The following HSPG2 variants were observed in gnomAD, a reference collection of about 807,000 sequenced individuals.
The protein encoded by HSPG2 is basement membrane-specific heparan sulfate proteoglycan core protein.
Under a neutral mutation model 526.6 loss-of-function variants are expected in HSPG2, and 278 were observed. The observed-to-expected ratio is 0.53, with a 90% CI of 0.48 to 0.58. The LOEUF is 0.58. Ranked by LOEUF, HSPG2 falls within the 20% of genes least tolerant of loss-of-function variation. HSPG2 has a pLI of 0.00. For synonymous variants in HSPG2, 2,465 were observed against 2,555.4 expected (o/e 0.96, Z 1.07); for missense variants, 5,354 against 6,099.5 (o/e 0.88, Z 4.07).
At position 21,880,459 on chromosome 1, in the gene HSPG2, GTGT is replaced by G; in HGVS notation, c.2096_2098del (p.Asn699del). ...GCTAAGTCCCACGCTGGCCATCTTG[GTGT>G]TGTACACGGTCTGGATGAGCACGGC... On this transcript the variant is annotated inframe_deletion, in exon 16 of 97. Transcript: ENST00000374695. 1 of 1,613,988 alleles carries G rather than the reference GTGT, an allele frequency of 6.2e-7. No homozygotes were observed. The highest frequency in any genetic ancestry group is 8.5e-7 in the Non-Finnish European group (1 of 1,179,986).
chr1:21,851,634 G>C lies in HSPG2; in HGVS notation c.7070C>G (p.Thr2357Ser). 6.2e-7 allele frequency: 1 copy of C among 1,614,010 alleles called. No individual in the cohort carries two copies. The highest frequency in any genetic ancestry group is 8.5e-7 in the Non-Finnish European group (1 of 1,180,038). ...GGGCACCACGCAGTTCAGATCCAGG[G>C]TCTGCCCTTCCGCCACTTGCGAGGA... ...PSSSQVAEGQTLDLNCVVPGQ... is the reference protein window; with the variant it reads ...PSSSQVAEGQSLDLNCVVPGQ... Residue 2357 changes from threonine (T) to serine (S), a missense_variant, in exon 55 of 97, where the codon ACC becomes AGC. Transcript: ENST00000374695.
In HSPG2 at chr1:21,842,901, T is replaced by C. The variant is rs2152707061; in HGVS notation, c.8779A>G (p.Ile2927Val). ...PIPAPGLAQP[I>V]YIEASSSHVT... ...TGTGAAGAGGAGGCCTCGATGTAGA[T>C]GGGCTGGGCCAGTCCTGGAGCTGTG... Residue 2927 changes from isoleucine (I) to valine (V), a missense_variant, in exon 67 of 97, where the codon ATC (isoleucine) becomes GTC (valine). Transcript: ENST00000374695. 4 of 1,614,058 alleles carry C rather than the reference T, an allele frequency of 2.5e-6. No individual in the cohort carries two copies. In the East Asian group the frequency reaches 8.9e-5, roughly 36 times the overall value.
At position 21,851,859 on chromosome 1, in the gene HSPG2, G is replaced by C. The variant is rs1443439882; in HGVS notation, c.6938C>G (p.Ala2313Gly). The C allele has an allele frequency of 6.2e-7, 1 of 1,613,160 alleles. No homozygotes were observed. Among genetic ancestry groups the C allele is most frequent in the African/African-American group, 1.3e-5 (1 of 74,932 alleles). Residue 2313 changes from alanine to glycine, a missense_variant, in exon 54 of 97, where the codon GCC (alanine) becomes GGC (glycine). By Grantham distance (60) the Ala-to-Gly change is moderately conservative (BLOSUM62 0). Transcript: ENST00000374695. ...PADAGQYVCR[A>G]SNGMEASITV... ...GATGGAGGCCTCCATGCCGTTGCTG[G>C]CCCGGCAGACGTACTGTCCCGCATC...
intron 50 of HSPG2, chr1:21,853,752 AAAATAAAAT>A (rs2152722586): frequency 1.5e-5 from 1 of 67,708 alleles, no homozygotes; most frequent in Non-Finnish European, 3.1e-5. Context: ...CTCTCTCAAA[AAAATAAAAT>A]AAAATAAAAT....
rs376072146 is a variant in HSPG2 at position 21,847,753 on chromosome 1, G to A, written c.7961C>T (p.Ala2654Val). The A allele has an allele frequency of 3.1e-6, 5 of 1,613,054 alleles. No individual in the cohort carries two copies. In the African/African-American group the frequency reaches 5.3e-5, roughly 17 times the overall value. Reference sequence around the variant, plus strand: ...TGTGATGATAGCCTGGGGCTGCCTGGCGACCACGCAGTTCAGATCCAAGGT... The same window carrying A: ...TGTGATGATAGCCTGGGGCTGCCTGACGACCACGCAGTTCAGATCCAAGGT... The part of the protein sequence containing the change: ...GQTLDLNCVV[A>V]RQPQAIITWY... The change falls in exon 61 of 97, where the codon GCC becomes GTC. Residue 2654 changes from alanine (A) to valine (V), a missense_variant. Ala to Val is a moderately conservative substitution (Grantham distance 64, BLOSUM62 0). Coordinates refer to ENST00000374695, the MANE Select transcript of HSPG2 (RefSeq NM_005529.7). The surrounding 1 kb of genome is among the most constrained non-coding windows in gnomAD (Gnocchi z 4.1).
rs766073203 is a variant in HSPG2, at chr1:21,854,999, T to C, written c.5998-16A>G. On this transcript the variant is annotated splice_polypyrimidine_tract_variant and intron_variant, in intron 47 of 96. Transcript: ENST00000374695. ...CTGACCGGGCCTGCCGTGGGTGAGA[T>C]GGGTCAGCTGCCCCAGAGGCAGCTG... 3.1e-6 allele frequency: 5 copies of C among 1,610,708 alleles called. No individual in the cohort carries two copies. The South Asian group carries it at 3.3e-5, about 11-fold the overall frequency.
intron 1 of HSPG2, among the ~76,000 whole-genome samples, chr1:21,935,241 T>C: frequency 6.6e-6 from 1 of 152,128 alleles, no homozygotes; most frequent in Non-Finnish European, 1.5e-5. Context: ...TAAAGAGACT[T>C]CAGGGGCCAA....
rs1345934803 is a variant in HSPG2 at position 21,893,709 on chromosome 1, C to T, written c.244+2213G>A. On this transcript the variant is annotated intron_variant, in intron 3 of 96. Coordinates refer to ENST00000374695, the MANE Select transcript of HSPG2 (RefSeq NM_005529.7). This position sits in a 1 kb window ranked among gnomAD's most constrained non-coding sequence, Gnocchi z 4.3. ...AGGAGGCAAGAAGGGACATTGACAG[C>T]GAGGGAGACGAGATGGAGAGAAGCA... Among the ~76,000 whole-genome samples the T allele has an allele frequency of 4.0e-5, 6 of 151,060 alleles. No homozygotes were observed. The highest frequency in any genetic ancestry group is 2.1e-4 in the South Asian group (1 of 4,782).
At chr1:21,891,530 C>T (rs748471597) in intron 3 of HSPG2, among the ~76,000 whole-genome samples, 2 of 152,240 alleles carry the variant, frequency 1.3e-5, no homozygotes, top group African/African-American at 2.4e-5. Flanking sequence ...GTGCCTGCCG[C>T]GTGCCTGGTA....
At chr1:21,900,835 A>G (rs1643060556) in intron 1 of HSPG2, among the ~76,000 whole-genome samples, 3 of 152,016 alleles carry the variant, frequency 2.0e-5, no homozygotes, top group African/African-American at 7.3e-5. Context: ...CAGTGAACCG[A>G]GATTGCACCA....
At chr1:21,835,133 T>G in intron 76 of HSPG2, 188 bp from the exon 77 acceptor site, 1 of 688,246 alleles carries the variant, frequency 1.5e-6, no homozygotes, top group Non-Finnish European at 2.5e-6. Flanking sequence ...CTCACTCACG[T>G]GTCCACTTCT....
chr1:21,892,515 C>A (rs1412969679), intron 3 of HSPG2, among the ~76,000 whole-genome samples: 1 of 152,258 alleles, frequency 6.6e-6, no homozygotes, highest in Non-Finnish European at 1.5e-5. Flanking sequence ...TGAACACCTC[C>A]CATCTCCCAC....
intron 25 of HSPG2, 80 bp downstream of exon 25, chr1:21,875,549 A>C: frequency 9.7e-7 from 1 of 1,030,710 alleles, no homozygotes; most frequent in East Asian, 2.4e-5. Flanking sequence ...ACAGTCTGTA[A>C]GTGGCTGTGC....
At position 21,832,527 on chromosome 1, in the gene HSPG2, G is replaced by T; in HGVS notation, c.11175C>A (p.Ser3725=). ...CGGGCCTTCCCCCCACGAGGCCGAA[G>T]GAGATGAAGTCGGGCTGCCGGTTGG... ...NLANRQPDFI[S]FGLVGGRPEF... is the part of the protein sequence containing the mutation. Residue 3725 remains serine (S), a synonymous_variant, in exon 81 of 97, where the codon TCC becomes TCA. Coordinates refer to ENST00000374695, the MANE Select transcript of HSPG2 (RefSeq NM_005529.7). 2.5e-6 allele frequency: 4 copies of T among 1,614,236 alleles called. No individual in the cohort carries two copies. The highest frequency in any genetic ancestry group is 3.4e-6 in the Non-Finnish European group (4 of 1,180,032).
intron 33 of HSPG2, among the ~76,000 whole-genome samples, chr1:21,869,990 T>C (rs1018521117): frequency 1.3e-5 from 2 of 152,202 alleles, no homozygotes; most frequent in African/African-American, 4.8e-5. Context: ...TCGGCCTGAC[T>C]CTCTTTGTGT....
rs776094320 is a variant in HSPG2, at chr1:21,847,375, G to A, written c.8143C>T (p.Pro2715Ser). Residue 2715 changes from proline to serine, a missense_variant, in exon 62 of 97, where the codon CCT becomes TCT. Coordinates refer to ENST00000374695, the MANE Select transcript of HSPG2 (RefSeq NM_005529.7). This position sits in a 1 kb window ranked among gnomAD's most constrained non-coding sequence, Gnocchi z 4.1. ...TCACCGGAGGGGCTGCCGGCGCTAG[G>A]GGAGACGGAGATGACGATGGAGGCC... ...LEASIVISVS[P>S]SAGSPSAPGS... 1.9e-6 allele frequency: 3 copies of A among 1,613,874 alleles called. No individual in the cohort carries two copies. The highest frequency in any genetic ancestry group is 2.5e-6 in the Non-Finnish European group (3 of 1,180,054).
chr1:21,921,182 G>C (rs917514920), intron 1 of HSPG2, among the ~76,000 whole-genome samples: 1 of 152,190 alleles, frequency 6.6e-6, no homozygotes, highest in African/African-American at 2.4e-5. Flanking sequence ...ACTCAGAAAG[G>C]TAAAGTGACT....
In HSPG2 at chr1:21,879,071, G is replaced by A. The variant is rs1384785709; in HGVS notation, c.2394C>T (p.Gly798=). The stretch of plus-strand genomic sequence containing the variant: ...TGGCCTTCATGGCGTCCCCAAAGAA[G>A]CCAGCCTTGCACTTGTTGCACTGTG... ...EGPQCNKCKA[G]FFGDAMKATA... Residue 798 remains glycine, a synonymous_variant, in exon 18 of 97, where the codon GGC becomes GGT. Transcript: ENST00000374695. 1.2e-6 allele frequency: 2 copies of A among 1,614,140 alleles called. No individual in the cohort carries two copies. The highest frequency in any genetic ancestry group is 2.7e-5 in the African/African-American group (2 of 74,946).
At chr1:21,851,358 G>A in intron 55 of HSPG2, 188 bp downstream of exon 55, 2 of 727,586 alleles carry the variant, frequency 2.7e-6, no homozygotes, top group South Asian at 3.6e-5. Flanking sequence ...CAAGCTAAGT[G>A]GTGGAGCCAG....
Sources: gnomAD v4.1 joint callset for allele counts (sites outside exome capture counted in the v4.1 genomes callset) on GRCh38, gnomAD v4.1.1 for gene constraint, Gnocchi (gnomAD v3.1) non-coding constraint, MANE v1.5 for transcripts, NCBI Gene and HGNC (gene_info 2026-07-23, HGNC 2026-07-21) for gene names.